The following ZDHHC3 variants were observed in gnomAD, a reference collection of about 807,000 sequenced individuals.
ZDHHC3 encodes zDHHC palmitoyltransferase 3, also known as palmitoyltransferase ZDHHC3.
ZDHHC3 carries 9 observed loss-of-function variants against 30.6 expected under a neutral mutation model. The ratio of observed to expected loss-of-function variants is 0.29; its 90% CI spans 0.18 to 0.51. The LOEUF (loss-of-function observed/expected upper bound fraction) is 0.51, where lower values mean the gene tolerates loss of function less well. Among genes scored for constraint, ZDHHC3 ranks in the 20% least tolerant of loss-of-function variants. The pLI is 0.97. For missense variants in ZDHHC3, 246 were observed against 384.2 expected, an observed-to-expected ratio of 0.64 and a Z score of 3.01; for synonymous variants, 136 against 140.2, an observed-to-expected ratio of 0.97 and a Z score of 0.21.
chr3:44,965,738 C>A, intron 1 of ZDHHC3, among the ~76,000 whole-genome samples: 1 of 152,210 alleles, frequency 6.6e-6, no homozygotes, highest in East Asian at 1.9e-4. Flanking sequence ...TGCCACTGTT[C>A]TCAGTCCAGC....
chr3:44,920,644 A>C lies in ZDHHC3; in HGVS notation c.*6045T>G. The C allele has an allele frequency of 2.0e-6, 2 of 985,406 alleles. No homozygotes were observed. The highest frequency in any genetic ancestry group is 2.4e-6 in the Non-Finnish European group (2 of 829,922). The allele number at this position is 985,406 out of a possible 1,614,324, so 61.0% of individuals were successfully genotyped here. A position where few individuals can be genotyped will look rare whatever the true frequency, so the allele number is the denominator to read the frequency against. The stretch of plus-strand genomic sequence containing the variant: ...CTTTTTTTCTGCCCAACAGGTTTCC[A>C]GTTCTACTGCAAATCACCACTGTGC... On this transcript the variant is annotated 3_prime_UTR_variant, in exon 7 of 7. Transcript: ENST00000424952.
chr3:44,966,300 A>G (rs1704947338), intron 1 of ZDHHC3, among the ~76,000 whole-genome samples: 1 of 152,224 alleles, frequency 6.6e-6, no homozygotes. Context: ...AATATGTGAC[A>G]TTTTAATAAA....
intron 1 of ZDHHC3, among the ~76,000 whole-genome samples, chr3:44,963,051 T>C (rs1704617772): frequency 6.6e-6 from 1 of 152,202 alleles, no homozygotes; most frequent in Non-Finnish European, 1.5e-5. Context: ...TGCATGAGAT[T>C]TGTGATCCCA....
At chr3:44,946,292 C>T (rs1702926464) in intron 2 of ZDHHC3, among the ~76,000 whole-genome samples, 1 of 152,212 alleles carries the variant, frequency 6.6e-6, no homozygotes, top group Admixed American at 6.5e-5. Context: ...GAATACTTAG[C>T]GTTCTTTAGA....
rs1487775360 is a variant in ZDHHC3, at chr3:44,923,459, A to G, written c.*3230T>C. On this transcript the variant is annotated 3_prime_UTR_variant, in exon 7 of 7. Coordinates refer to ENST00000424952, the MANE Select transcript of ZDHHC3 (RefSeq NM_001135179.2). The stretch of plus-strand genomic sequence containing the variant: ...CATTAGGGGACGGTGGATTCTAACT[A>G]TTTAAGTGGCCTAGCCAGATGAGCA... 1.0e-6 allele frequency: 1 copy of G among 985,216 alleles called. No individual in the cohort carries two copies. Among genetic ancestry groups the G allele is most frequent in the Admixed American group, 6.1e-5 (1 of 16,262 alleles). 61.0% of individuals were successfully genotyped at this position (985,216 alleles called of 1,614,324 possible). A position where few individuals can be genotyped will look rare whatever the true frequency, so the allele number is the denominator to read the frequency against.
At chr3:44,946,452 T>G (rs779219473) in intron 2 of ZDHHC3, among the ~76,000 whole-genome samples, 1 of 152,210 alleles carries the variant, frequency 6.6e-6, no homozygotes, top group Non-Finnish European at 1.5e-5. Flanking sequence ...TGTGCTCTCA[T>G]GCTCACTGCT....
rs1268048855 is a variant in ZDHHC3 at position 44,919,178 on chromosome 3, C to T, written c.*7511G>A. 2.3e-6 allele frequency: 2 copies of T among 864,992 alleles called. No homozygotes were observed. The highest frequency in any genetic ancestry group is 1.1e-4 in the South Asian group (2 of 18,366). 53.6% of individuals were successfully genotyped at this position (864,992 alleles called of 1,614,324 possible). A position where few individuals can be genotyped will look rare whatever the true frequency, so the allele number is the denominator to read the frequency against. On this transcript the variant is annotated 3_prime_UTR_variant, in exon 7 of 7. Transcript: ENST00000424952. ...ATCAATTACAAAGGGAAAAACAGTA[C>T]CTTAATAGCAGGGAAGAAACATTGC...
intron 3 of ZDHHC3, among the ~76,000 whole-genome samples, chr3:44,942,776 G>A (rs1702551399): frequency 6.6e-6 from 1 of 152,202 alleles, no homozygotes; most frequent in Non-Finnish European, 1.5e-5. Flanking sequence ...GAAAGCTGAG[G>A]CTCAGAAAGA....
intron 3 of ZDHHC3, 73 bp from the exon 4 acceptor site, chr3:44,934,057 C>A: frequency 1.4e-6 from 2 of 1,406,182 alleles, no homozygotes; most frequent in Non-Finnish European, 2.0e-6. Flanking sequence ...AACGCAGAAC[C>A]CATGGCTCCT....
chr3:44,929,108 A>C lies in ZDHHC3; in HGVS notation c.741+198T>G, dbSNP rs139237996. ...GGCCGCACTCCTGGTGTGATCTGCT[A>C]TGGCTGCCCCAAGGCTGGAGGACTT... is the stretch of plus-strand genomic sequence containing the variant. On this transcript the variant is annotated intron_variant, in intron 6 of 6. Transcript: ENST00000424952. 8.4e-3 allele frequency among the ~76,000 whole-genome samples: 1,273 copies of C among 152,300 alleles called. 22 individuals carry two copies. The highest frequency in any genetic ancestry group is 0.029 in the African/African-American group (1,214 of 41,568).
At chr3:44,936,231 T>C (rs1324145396) in intron 3 of ZDHHC3, among the ~76,000 whole-genome samples, 4 of 152,026 alleles carry the variant, frequency 2.6e-5, no homozygotes, top group South Asian at 2.1e-4. Flanking sequence ...AAGACATACA[T>C]GTGGCCAAGA....
At chr3:44,954,294 A>G (rs1703734224) in intron 2 of ZDHHC3, among the ~76,000 whole-genome samples, 1 of 152,198 alleles carries the variant, frequency 6.6e-6, no homozygotes, top group Non-Finnish European at 1.5e-5. Context: ...GCACATCATG[A>G]TGTTTCAGTC....
chr3:44,955,373 G>A (rs1486909769), intron 2 of ZDHHC3, among the ~76,000 whole-genome samples: 2 of 151,718 alleles, frequency 1.3e-5, no homozygotes, highest in Non-Finnish European at 2.9e-5. Flanking sequence ...TATAGTGGTT[G>A]CAATTGTTCA....
In ZDHHC3 at chr3:44,976,042, C is replaced by G; in HGVS notation, c.-134G>C. 1 of 405,144 alleles carries G rather than the reference C, an allele frequency of 2.5e-6. No individual in the cohort carries two copies. Among genetic ancestry groups the G allele is most frequent in the Non-Finnish European group, 4.3e-6 (1 of 229,960 alleles). 25.1% of individuals were successfully genotyped at this position (405,144 alleles called of 1,614,324 possible). A position where few individuals can be genotyped will look rare whatever the true frequency, so the allele number is the denominator to read the frequency against. On this transcript the variant is annotated 5_prime_UTR_variant, in exon 1 of 7. Transcript: ENST00000424952. ...CCCGGGACCCGGCCTCGGGCTTCGG[C>G]GATGGCTCCTCGGAACGAGGCGCCG...
chr3:44,939,900 T>G lies in ZDHHC3; in HGVS notation c.431+5268A>C, dbSNP rs999139692. ...TCCCCGAGTTTCCTGTTTTCAAAGA[T>G]ATGAAATGCCAAACCCACACTACCC... On this transcript the variant is annotated intron_variant, in intron 3 of 6. Coordinates refer to ENST00000424952, the MANE Select transcript of ZDHHC3 (RefSeq NM_001135179.2). Among the ~76,000 whole-genome samples the G allele has an allele frequency of 6.6e-5, 10 of 152,132 alleles. No individual in the cohort carries two copies. In the East Asian group the frequency reaches 1.9e-3, roughly 29 times the overall value.
chr3:44,937,436 T>A (rs1702059640), intron 3 of ZDHHC3, among the ~76,000 whole-genome samples: 1 of 151,476 alleles, frequency 6.6e-6, no homozygotes. Flanking sequence ...CTGGGCATGG[T>A]GGCTCATGCC....
rs971945791 is a variant in ZDHHC3 at position 44,926,060 on chromosome 3, C to A, written c.*629G>T. ...CTCTTTCATCTTTCTCCCCACTCCC[C>A]CGCAAAATCATTCTACACACCCCAA... On this transcript the variant is annotated 3_prime_UTR_variant, in exon 7 of 7. Transcript: ENST00000424952. 41 of 985,758 alleles carry A rather than the reference C, an allele frequency of 4.2e-5. No individual in the cohort carries two copies. Among genetic ancestry groups the A allele is most frequent in the Admixed American group, 6.1e-5 (1 of 16,272 alleles). 61.1% of individuals were successfully genotyped at this position (985,758 alleles called of 1,614,324 possible). A position where few individuals can be genotyped will look rare whatever the true frequency, so the allele number is the denominator to read the frequency against.
chr3:44,935,995 CA>C (rs1475767676), intron 3 of ZDHHC3, among the ~76,000 whole-genome samples: 1 of 152,128 alleles, frequency 6.6e-6, no homozygotes, highest in Non-Finnish European at 1.5e-5. Flanking sequence ...GCAACAAAAG[CA>C]AAAATTGACA....
chr3:44,970,063 CA>C (rs1705284534), intron 1 of ZDHHC3: 1 of 152,224 alleles, frequency 6.6e-6, no homozygotes, highest in African/African-American at 2.4e-5. Flanking sequence ...GGACTAAAAG[CA>C]AAAGTGCTTA....
Sources: allele counts gnomAD v4.1 joint callset (sites outside exome capture counted in the v4.1 genomes callset), GRCh38; gene constraint gnomAD v4.1.1; transcripts MANE v1.5; gene names NCBI Gene and HGNC (gene_info 2026-07-23, HGNC 2026-07-21).